Variants in ACCSL observed in about 807,000 individuals in gnomAD.
ACCSL encodes the protein 1-aminocyclopropane-1-carboxylate synthase homolog (inactive) like.
In ACCSL, 55 loss-of-function variants were observed where a neutral mutation model predicts 61.7. The ratio of observed to expected loss-of-function variants is 0.89; its 90% confidence interval spans 0.72 to 1.12. ACCSL has a LOEUF of 1.12. Among genes scored for constraint, ACCSL ranks in the 50% most tolerant of loss-of-function variants. ACCSL has a pLI of 0.00. For synonymous variants in ACCSL, 258 were observed against 264.3 expected (o/e 0.98, Z 0.23); for missense variants, 632 against 698.0 (o/e 0.91, Z 1.07).
chr11:44,050,397 G>A (rs776662186), intron 2 of ACCSL, among the ~76,000 whole-genome samples, 155 bp from the exon 3 acceptor site: 1 of 152,180 alleles, frequency 6.6e-6, no homozygotes, highest in Non-Finnish European at 1.5e-5. Flanking sequence ...CAAGATGGTA[G>A]CCTCCATTCA....
the ACCSL span, among the ~76,000 whole-genome samples, chr11:44,000,516 A>G: frequency 7.9e-6 from 1 of 127,376 alleles, no homozygotes; most frequent in East Asian, 2.0e-4. Flanking sequence ...ACCGAGTGAG[A>G]CTCTGTCTCA....
At chr11:44,038,861 A>G in the ACCSL span, among the ~76,000 whole-genome samples, 5 of 152,170 alleles carry the variant, frequency 3.3e-5, no homozygotes, top group African/African-American at 1.2e-4. Context: ...TCCTTAAGTC[A>G]GCATTGTACT....
At chr11:43,956,525 T>G in the ACCSL span, among the ~76,000 whole-genome samples, 1 of 152,114 alleles carries the variant, frequency 6.6e-6, no homozygotes, top group African/African-American at 2.4e-5. Context: ...GTTCAAGTGA[T>G]TCTCCTGCCT....
the ACCSL span, among the ~76,000 whole-genome samples, chr11:43,994,758 G>T: frequency 2.9e-4 from 44 of 151,942 alleles, no homozygotes; most frequent in Non-Finnish European, 5.6e-4. Context: ...TCTACCTCCT[G>T]AGTAGCTGGG....
At chr11:43,936,280 T>A in the ACCSL span, among the ~76,000 whole-genome samples, 1 of 152,186 alleles carries the variant, frequency 6.6e-6, no homozygotes. Flanking sequence ...CAGGAGGGTA[T>A]AAGCCACCAA....
At chr11:43,928,887 A>C in the ACCSL span, among the ~76,000 whole-genome samples, 4 of 152,168 alleles carry the variant, frequency 2.6e-5, no homozygotes, top group African/African-American at 7.2e-5. Flanking sequence ...ATTGCAACAC[A>C]AGGTAGGAGA....
the ACCSL span, among the ~76,000 whole-genome samples, chr11:43,983,458 C>A: frequency 2.8e-3 from 432 of 152,226 alleles, 6 homozygotes; most frequent in Admixed American, 0.023. Flanking sequence ...AGGGAACCAG[C>A]CACGGGTTAT....
chr11:43,965,179 A>G, the ACCSL span, among the ~76,000 whole-genome samples: 1 of 152,178 alleles, frequency 6.6e-6, no homozygotes, highest in African/African-American at 2.4e-5. Flanking sequence ...ATGATCCTAT[A>G]TGTAGAAAAT....
At chr11:43,943,730 T>G in the ACCSL span, 2 of 1,304,268 alleles carry the variant, frequency 1.5e-6, no homozygotes, top group African/African-American at 3.0e-5. The surrounding 1 kb of genome is among the most constrained non-coding windows in gnomAD (Gnocchi z 4.8). Context: ...CGTTGGGACT[T>G]TGGGCGCAGC....
the ACCSL span, among the ~76,000 whole-genome samples, chr11:43,994,742 C>T: frequency 6.6e-6 from 1 of 152,208 alleles, no homozygotes; most frequent in South Asian, 2.1e-4. Context: ...AAGCAATCCT[C>T]CCACCTCTAC....
At chr11:43,990,363 A>G in the ACCSL span, among the ~76,000 whole-genome samples, 2 of 152,120 alleles carry the variant, frequency 1.3e-5, no homozygotes, top group African/African-American at 4.8e-5. Context: ...ATACAAACAG[A>G]TTTAGTGTCT....
At chr11:43,997,933 G>A in the ACCSL span, among the ~76,000 whole-genome samples, 22 of 152,196 alleles carry the variant, frequency 1.4e-4, no homozygotes, top group Non-Finnish European at 3.2e-4. Context: ...TAGGAAACAG[G>A]TGCTGGCCTA....
the ACCSL span, among the ~76,000 whole-genome samples, chr11:43,964,028 A>C: frequency 6.6e-6 from 1 of 152,030 alleles, no homozygotes; most frequent in Non-Finnish European, 1.5e-5. Context: ...TCCTGCACAC[A>C]GTATAGAGTT....
upstream of ACCSL, among the ~76,000 whole-genome samples, chr11:44,043,084 A>G (rs749019214): frequency 5.7e-4 from 87 of 152,272 alleles, no homozygotes; most frequent in Non-Finnish European, 4.9e-4. Flanking sequence ...CCCTGTCTCA[A>G]AAATAAACGT....
the ACCSL span, chr11:43,943,310 G>C: frequency 6.9e-7 from 1 of 1,443,534 alleles, no homozygotes; most frequent in South Asian, 1.5e-5. This position sits in a 1 kb window ranked among gnomAD's most constrained non-coding sequence, Gnocchi z 4.8. Flanking sequence ...CGCGTCCGCG[G>C]TCCGCGCGGG....
the ACCSL span, among the ~76,000 whole-genome samples, chr11:44,018,121 C>G: frequency 1.3e-5 from 2 of 152,130 alleles, no homozygotes; most frequent in Non-Finnish European, 2.9e-5. Flanking sequence ...TGTATTTGGG[C>G]GTCTGTCTGT....
the ACCSL span, among the ~76,000 whole-genome samples, chr11:43,985,990 CAAAT>C: frequency 6.6e-6 from 1 of 151,886 alleles, no homozygotes; most frequent in Non-Finnish European, 1.5e-5. Flanking sequence ...AACAAACAAA[CAAAT>C]AAATAAAAAT....
the ACCSL span, among the ~76,000 whole-genome samples, chr11:44,027,990 C>A: frequency 6.6e-6 from 1 of 152,226 alleles, no homozygotes; most frequent in South Asian, 2.1e-4. Flanking sequence ...CAGAGTGAAA[C>A]TCTATCTCTA....
chr11:44,047,732 A>G (rs941169915), upstream of ACCSL, among the ~76,000 whole-genome samples: 6 of 152,244 alleles, frequency 3.9e-5, no homozygotes, highest in African/African-American at 1.4e-4. Flanking sequence ...TGGAAAATCC[A>G]GAGCCTCCTT....
Sources: gnomAD v4.1 joint callset for allele counts (sites outside exome capture counted in the v4.1 genomes callset) on GRCh38, gnomAD v4.1.1 for gene constraint, Gnocchi (gnomAD v3.1) non-coding constraint, MANE v1.5 for transcripts, NCBI Gene and HGNC (gene_info 2026-07-23, HGNC 2026-07-21) for gene names.